The following SANBR variants were observed in gnomAD, a reference collection of about 807,000 sequenced individuals.
SANBR encodes the protein SANT and BTB domain regulator of CSR, also known as SANT and BTB domain regulator of class switch recombination.
Under a neutral mutation model 101.8 loss-of-function variants are expected in SANBR, and 77 were observed. The ratio of observed to expected loss-of-function variants is 0.76; its 90% confidence interval spans 0.63 to 0.91. SANBR has a LOEUF of 0.91. SANBR is among the 40% of genes least tolerant of loss of function. The pLI, the probability that SANBR is intolerant of heterozygous loss-of-function variation, is 0.00. For synonymous variants in SANBR, 279 were observed against 274.7 expected (o/e 1.02, Z -0.15); for missense variants, 875 against 853.0 (o/e 1.03, Z -0.32).
intron 3 of SANBR, 77 bp from the exon 4 acceptor site, chr2:61,071,529 G>A (rs1188634701): frequency 3.7e-5 from 35 of 941,878 alleles, no homozygotes; most frequent in East Asian, 3.0e-4. Flanking sequence ...CAGCCTGGGC[G>A]ACAATGTGAG....
rs370174996 is a variant in SANBR at position 61,080,736 on chromosome 2, C to CA, written c.671-707dup. Among the ~76,000 whole-genome samples, 50 of 149,306 alleles carry CA rather than the reference C, an allele frequency of 3.3e-4. 1 individual carries two copies. The highest frequency in any genetic ancestry group is 1.2e-3 in the East Asian group (6 of 5,086). ...CTCCATCTCAAAAAAAAAACAACAA[C>CA]AAAAAAAAACAAAAAACCTTGAATC... On this transcript the variant is annotated intron_variant, in intron 6 of 21. Transcript: ENST00000402291.
downstream of SANBR, among the ~76,000 whole-genome samples, chr2:61,127,487 T>G (rs761221596): frequency 1.3e-5 from 2 of 152,206 alleles, no homozygotes; most frequent in Non-Finnish European, 2.9e-5. Flanking sequence ...TAAGCTGACC[T>G]GATGGCCACC....
At chr2:61,127,635 T>A (rs933597520), downstream of SANBR, among the ~76,000 whole-genome samples, 4 of 152,158 alleles carry the variant, frequency 2.6e-5, no homozygotes, top group African/African-American at 9.7e-5. Context: ...CATCCTTATA[T>A]TTTTCCCACC....
At chr2:61,083,887 T>A (rs1682280765) in intron 8 of SANBR, among the ~76,000 whole-genome samples, 1 of 152,092 alleles carries the variant, frequency 6.6e-6, no homozygotes. Flanking sequence ...AAAAAACTTT[T>A]TGTAGAGACA....
rs1366699656 is a variant in SANBR at position 61,088,903 on chromosome 2, T to C, written c.1088+435T>C. On this transcript the variant is annotated intron_variant, in intron 10 of 21. Coordinates refer to ENST00000402291, the MANE Select transcript of SANBR (RefSeq NM_001129993.3). The stretch of plus-strand genomic sequence containing the variant: ...GGAATGGGATAACATCTTTTCTGCA[T>C]GTTATCCAACTTTCATTTAGAAAAA... 3.3e-6 allele frequency: 3 copies of C among 914,850 alleles called. No individual in the cohort carries two copies. The African/African-American group carries it at 5.4e-5, about 16-fold the overall frequency. The allele number at this position is 914,850 out of a possible 1,614,324, so 56.7% of individuals were successfully genotyped here.
At chr2:61,073,433 G>GT in intron 4 of SANBR, 25 bp from the exon 5 acceptor site, 1 of 1,093,842 alleles carries the variant, frequency 9.1e-7, no homozygotes, top group Non-Finnish European at 1.3e-6. Context: ...TTTTTTTTTT[G>GT]TATGTGTTTG....
chr2:61,133,793 G>C (rs1225282707), intron 20 of SANBR, among the ~76,000 whole-genome samples: 1 of 152,112 alleles, frequency 6.6e-6, no homozygotes, highest in South Asian at 2.1e-4. Context: ...AGAATGATAT[G>C]GGCACCTGGG....
At position 61,083,583 on chromosome 2, in the gene SANBR, A is replaced by T. The variant is rs534912591; in HGVS notation, c.890+269A>T. On this transcript the variant is annotated intron_variant, in intron 8 of 21. Transcript: ENST00000402291. ...AGCTAAATTAAAAAAAAAAAAAAAA[A>T]TTTTGACCAGGCACAGTGGCTCACG... Among the ~76,000 whole-genome samples, 49 of 148,506 alleles carry T rather than the reference A, an allele frequency of 3.3e-4. 1 individual carries two copies. In the South Asian group the frequency reaches 5.7e-3, roughly 17 times the overall value.
downstream of SANBR, among the ~76,000 whole-genome samples, chr2:61,128,271 C>T (rs78659928): frequency 2.9e-5 from 3 of 104,976 alleles, no homozygotes; most frequent in Admixed American, 1.1e-4. Context: ...GACTCTGTCT[C>T]AAAAAAAAAA....
rs1209861594 is a variant in SANBR at position 61,103,919 on chromosome 2, T to C, written c.1432T>C (p.Cys478Arg). The C allele has an allele frequency of 1.2e-6, 2 of 1,614,184 alleles. No individual in the cohort carries two copies. Among genetic ancestry groups the C allele is most frequent in the East Asian group, 2.2e-5 (1 of 44,882 alleles). Residue 478 changes from cysteine (C) to arginine (R), a missense_variant, in exon 13 of 22, where the codon TGT (cysteine) becomes CGT (arginine). Physicochemically the swap from Cys to Arg is radical, Grantham distance 180. Transcript: ENST00000402291. Reference protein sequence around the residue: ...DQGEGGDLPSCPTARMLDDLH... With the variant: ...DQGEGGDLPSRPTARMLDDLH... The stretch of plus-strand genomic sequence containing the variant: ...AGGTGAAGGCGGAGATTTGCCGTCC[T>C]GTCCCACTGCTAGAATGTTGGACGA...
At position 61,122,490 on chromosome 2, in the gene SANBR, T is replaced by A. The variant is rs1201326932; in HGVS notation, c.*328T>A. On this transcript the variant is annotated 3_prime_UTR_variant, in exon 22 of 22. Transcript: ENST00000402291. ...AGGCCTAAACTGTCAGGTAGCCAAG[T>A]TTTTTTAAGACCTTAAAAGTTAGGG... 2.9e-6 allele frequency: 3 copies of A among 1,041,650 alleles called. No homozygotes were observed. The highest frequency in any genetic ancestry group is 3.5e-6 in the Non-Finnish European group (3 of 866,888). 64.5% of individuals were successfully genotyped at this position (1,041,650 alleles called of 1,614,324 possible).
chr2:61,115,743 C>T (rs1425830780), intron 16 of SANBR: 1 of 307,264 alleles, frequency 3.3e-6, no homozygotes, highest in Admixed American at 4.8e-5. Context: ...CAGAACAAGA[C>T]TCTGTCTCAA....
intron 11 of SANBR, among the ~76,000 whole-genome samples, chr2:61,096,925 A>G (rs1349948799): frequency 6.6e-6 from 1 of 152,200 alleles, no homozygotes; most frequent in Non-Finnish European, 1.5e-5. Flanking sequence ...AGGCTGAAGC[A>G]GGCGGATCAC....
chr2:61,072,224 C>G (rs1019050191), intron 4 of SANBR, among the ~76,000 whole-genome samples: 7 of 152,138 alleles, frequency 4.6e-5, no homozygotes, highest in Non-Finnish European at 1.0e-4. Context: ...CAGACGTGAG[C>G]TACTGCACCT....
downstream of SANBR, among the ~76,000 whole-genome samples, chr2:61,127,219 T>C (rs1176728316): frequency 6.6e-6 from 1 of 152,196 alleles, no homozygotes; most frequent in African/African-American, 2.4e-5. Flanking sequence ...ACTAAAAACC[T>C]TTCCTCTGGA....
rs375991537 is a variant in SANBR at position 61,088,505 on chromosome 2, A to G, written c.1088+37A>G. The G allele has an allele frequency of 1.8e-4, 140 of 778,344 alleles. 1 individual carries two copies. The highest frequency in any genetic ancestry group is 8.2e-4 in the Middle Eastern group (2 of 2,438). The allele number at this position is 778,344 out of a possible 1,614,324, so 48.2% of individuals were successfully genotyped here. ...ATAAAATACATACATGTATTTTTGT[A>G]TATATATATATATAGTTGTTGTTGT... On this transcript the variant is annotated intron_variant, in intron 10 of 21. Transcript: ENST00000402291.
intron 6 of SANBR, among the ~76,000 whole-genome samples, chr2:61,079,001 C>T (rs1033303602): frequency 2.0e-5 from 3 of 151,628 alleles, no homozygotes; most frequent in Non-Finnish European, 4.4e-5. Context: ...ATTGCACCAC[C>T]GCATTCCAGC....
At chr2:61,093,599 A>AG (rs1682883904) in intron 11 of SANBR, among the ~76,000 whole-genome samples, 1 of 152,038 alleles carries the variant, frequency 6.6e-6, no homozygotes, top group Non-Finnish European at 1.5e-5. Flanking sequence ...GTCTCAAAAG[A>AG]GAAAAAAAAA....
At chr2:61,111,374 C>G (rs1327688811) in intron 16 of SANBR, among the ~76,000 whole-genome samples, 1 of 152,170 alleles carries the variant, frequency 6.6e-6, no homozygotes, top group Non-Finnish European at 1.5e-5. Flanking sequence ...GCCTGTGCGA[C>G]AGAGCGAGAC....
Sources: allele counts gnomAD v4.1 joint callset (sites outside exome capture counted in the v4.1 genomes callset), GRCh38; gene constraint gnomAD v4.1.1; transcripts MANE v1.5; gene names NCBI Gene and HGNC (gene_info 2026-07-23, HGNC 2026-07-21).